The following ATP8A2 variants were observed in gnomAD, a reference collection of about 807,000 sequenced individuals.
ATP8A2 encodes ATPase phospholipid transporting 8A2.
Under a neutral mutation model 165.6 loss-of-function variants are expected in ATP8A2, and 100 were observed. That is an observed-to-expected ratio of 0.60 (90% confidence interval 0.51 to 0.71). The LOEUF is 0.71. ATP8A2 is among the 30% of genes least tolerant of loss of function. The pLI, the probability that ATP8A2 is intolerant of heterozygous loss-of-function variation, is 0.00. For synonymous variants in ATP8A2, 543 were observed against 548.8 expected, an observed-to-expected ratio of 0.99 and a Z score of 0.15; for missense variants, 1,227 against 1,479.5, an observed-to-expected ratio of 0.83 and a Z score of 2.80.
chr13:25,820,718 CAG>C (rs1481060818), intron 27 of ATP8A2, among the ~76,000 whole-genome samples: 1 of 152,120 alleles, frequency 6.6e-6, no homozygotes, highest in Non-Finnish European at 1.5e-5. Context: ...TATAATGTGT[CAG>C]AGAGCCATCG....
At chr13:25,394,277 C>T (rs2033345872) in intron 1 of ATP8A2, among the ~76,000 whole-genome samples, 1 of 152,174 alleles carries the variant, frequency 6.6e-6, no homozygotes, top group African/African-American at 2.4e-5. Context: ...AAGGAGAGCT[C>T]ATTACTGGCT....
intron 2 of ATP8A2, among the ~76,000 whole-genome samples, chr13:25,502,575 A>G (rs116935656): frequency 0.016 from 2,509 of 152,336 alleles, 39 homozygotes; most frequent in Middle Eastern, 0.031. Context: ...TTTGGGTGAT[A>G]CAGGGCAAGT....
intron 27 of ATP8A2, among the ~76,000 whole-genome samples, chr13:25,785,311 A>T (rs529813885): frequency 6.6e-6 from 1 of 152,050 alleles, no homozygotes; most frequent in South Asian, 2.1e-4. Flanking sequence ...GAGGCAGGAG[A>T]ATCACTTGAA....
chr13:25,953,840 C>T lies in ATP8A2; in HGVS notation c.3184-7735C>T, dbSNP rs1955447070. 6.6e-6 allele frequency among the ~76,000 whole-genome samples: 1 copy of T among 152,218 alleles called. No homozygotes were observed. Among genetic ancestry groups the T allele is most frequent in the Admixed American group, 6.5e-5 (1 of 15,290 alleles). ...TCCGTCCCAGATACTATGCTTTTCC[C>T]ATGGTCTTCGCAAACTGCAGACCAG... On this transcript the variant is annotated intron_variant, in intron 33 of 36. Coordinates refer to ENST00000381655, the MANE Select transcript of ATP8A2 (RefSeq NM_016529.6). The surrounding 1 kb of genome is among the most constrained non-coding windows in gnomAD (Gnocchi z 6.7).
chr13:25,468,762 G>T (rs918132753), intron 1 of ATP8A2: 53 of 903,776 alleles, frequency 5.9e-5, no homozygotes, highest in Non-Finnish European at 6.6e-5. Context: ...CGCGCGGGGC[G>T]TGGGCGTGGG....
At chr13:25,783,969 CAGGGAAGAGGT>C (rs2044954856) in intron 27 of ATP8A2, among the ~76,000 whole-genome samples, 1 of 151,990 alleles carries the variant, frequency 6.6e-6, no homozygotes, top group Non-Finnish European at 1.5e-5. Context: ...GGTGAGAGGA[CAGGGAAGAGGT>C]AGGTATTAAG....
rs1424474902 is a variant in ATP8A2 at position 26,025,745 on chromosome 13, A to C, written c.*5760A>C. ...ATACAAACGGAGGGCATCTACTTGTATTTTTAGAAGTTTTGGGAGAATTTA... is the reference window on the plus strand; with the variant it reads ...ATACAAACGGAGGGCATCTACTTGTCTTTTTAGAAGTTTTGGGAGAATTTA... On this transcript the variant is annotated 3_prime_UTR_variant, in exon 37 of 37. Coordinates refer to ENST00000381655, the MANE Select transcript of ATP8A2 (RefSeq NM_016529.6). The C allele has an allele frequency of 6.6e-6, 1 of 152,132 alleles. No homozygotes were observed. The highest frequency in any genetic ancestry group is 1.5e-5 in the Non-Finnish European group (1 of 68,024). The allele number at this position is 152,132 out of a possible 1,614,324, so 9.4% of individuals were successfully genotyped here. A position where few individuals can be genotyped will look rare whatever the true frequency, so the allele number is the denominator to read the frequency against.
At chr13:25,924,182 A>G (rs1954534655) in intron 33 of ATP8A2, among the ~76,000 whole-genome samples, 1 of 152,154 alleles carries the variant, frequency 6.6e-6, no homozygotes, top group South Asian at 2.1e-4. Flanking sequence ...AAGAACAATT[A>G]ATGCAGTGGT....
chr13:25,984,956 A>G (rs1956246864), intron 35 of ATP8A2, among the ~76,000 whole-genome samples: 1 of 152,230 alleles, frequency 6.6e-6, no homozygotes, highest in South Asian at 2.1e-4. Context: ...AACAACTTAC[A>G]TTAGAGAAAC....
At chr13:25,601,556 C>T (rs1229563894) in intron 24 of ATP8A2, among the ~76,000 whole-genome samples, 1 of 152,236 alleles carries the variant, frequency 6.6e-6, no homozygotes, top group Non-Finnish European at 1.5e-5. Flanking sequence ...CCTCTGCCTC[C>T]TGGGTTCACG....
intron 27 of ATP8A2, among the ~76,000 whole-genome samples, chr13:25,799,067 G>A (rs74434964): frequency 0.021 from 3,127 of 151,182 alleles, 98 homozygotes; most frequent in African/African-American, 0.072. Flanking sequence ...TATGTGGCAC[G>A]GGAGCCCTCA....
intron 28 of ATP8A2, among the ~76,000 whole-genome samples, chr13:25,830,664 G>A (rs920282512): frequency 1.3e-5 from 2 of 152,170 alleles, no homozygotes; most frequent in Non-Finnish European, 2.9e-5. Flanking sequence ...TACAAAAAAG[G>A]TACAAAGAAC....
intron 1 of ATP8A2, among the ~76,000 whole-genome samples, chr13:25,388,669 G>C (rs779558289): frequency 1.3e-5 from 2 of 152,192 alleles, no homozygotes; most frequent in African/African-American, 2.4e-5. Flanking sequence ...CCCAGGTGTG[G>C]CACCGGGCTG....
intron 24 of ATP8A2, among the ~76,000 whole-genome samples, chr13:25,653,568 A>G (rs2041862323): frequency 6.6e-6 from 1 of 152,242 alleles, no homozygotes; most frequent in African/African-American, 2.4e-5. Flanking sequence ...GTTTACCTAT[A>G]TATCAAACCT....
At chr13:25,749,102 G>C (rs769444041) in intron 25 of ATP8A2, among the ~76,000 whole-genome samples, 6 of 152,170 alleles carry the variant, frequency 3.9e-5, no homozygotes, top group Non-Finnish European at 7.3e-5. Flanking sequence ...TGGATCCTTA[G>C]GTTGTTTTTC....
intron 1 of ATP8A2, among the ~76,000 whole-genome samples, chr13:25,373,168 G>A (rs2032489482): frequency 6.6e-6 from 1 of 152,196 alleles, no homozygotes; most frequent in Non-Finnish European, 1.5e-5. Context: ...ACCGTTTCAG[G>A]ACTGCGGCAA....
chr13:25,954,990 G>C (rs555237080), intron 33 of ATP8A2, among the ~76,000 whole-genome samples: 8 of 152,192 alleles, frequency 5.3e-5, no homozygotes, highest in Non-Finnish European at 1.2e-4. Context: ...AAATTGGATA[G>C]AGAATGAGTT....
intron 1 of ATP8A2, among the ~76,000 whole-genome samples, chr13:25,435,691 C>A (rs2034739469): frequency 6.6e-6 from 1 of 150,462 alleles, no homozygotes; most frequent in African/African-American, 2.4e-5. Flanking sequence ...GTTAATGGAT[C>A]TTGTGGTTTT....
At chr13:25,589,744 T>A in intron 24 of ATP8A2, 45 bp downstream of exon 24, 1 of 1,230,498 alleles carries the variant, frequency 8.1e-7, no homozygotes, top group Non-Finnish European at 1.2e-6. Context: ...ATAACAGTAT[T>A]AAACTCTTTC....
Sources: gnomAD v4.1 joint callset for allele counts (sites outside exome capture counted in the v4.1 genomes callset) on GRCh38, gnomAD v4.1.1 for gene constraint, Gnocchi (gnomAD v3.1) non-coding constraint, MANE v1.5 for transcripts, NCBI Gene and HGNC (gene_info 2026-07-23, HGNC 2026-07-21) for gene names.